Variants in RYR2 observed in about 807,000 individuals in gnomAD.
RYR2 encodes ryanodine receptor 2.
RYR2 carries 227 observed loss-of-function variants against 601.1 expected under a neutral mutation model. The ratio of observed to expected loss-of-function variants is 0.38; its 90% CI spans 0.34 to 0.42. RYR2 has a LOEUF of 0.42. Ranked by LOEUF, RYR2 falls within the 10% of genes least tolerant of loss-of-function variation. The pLI is 1.00. For missense variants in RYR2, 4,646 were observed against 6,156.5 expected (o/e 0.75, Z 8.21); for synonymous variants, 2,223 against 2,175.1 (o/e 1.02, Z -0.61).
At chr1:237,415,410 A>G (rs1704873512) in intron 10 of RYR2, among the ~76,000 whole-genome samples, 1 of 152,190 alleles carries the variant, frequency 6.6e-6, no homozygotes. Flanking sequence ...GATTAGGGTG[A>G]TCCCAAACTA....
chr1:237,823,752 T>G (rs1201839867), intron 101 of RYR2, among the ~76,000 whole-genome samples: 1 of 152,076 alleles, frequency 6.6e-6, no homozygotes, highest in African/African-American at 2.4e-5. Flanking sequence ...GCTGGTGTTT[T>G]GAAAAGATCA....
intron 79 of RYR2, among the ~76,000 whole-genome samples, chr1:237,740,714 G>A (rs970080925): frequency 2.6e-5 from 4 of 152,064 alleles, no homozygotes; most frequent in Non-Finnish European, 4.4e-5. Flanking sequence ...GTATATTAGT[G>A]TTCTAATTTG....
chr1:237,536,050 C>CA (rs1237504118), intron 25 of RYR2, among the ~76,000 whole-genome samples: 1 of 151,838 alleles, frequency 6.6e-6, no homozygotes, highest in African/African-American at 2.4e-5. Context: ...TCAATAAGGC[C>CA]AGTGCAGTGA....
At chr1:237,182,308 G>T (rs569276441) in intron 1 of RYR2, among the ~76,000 whole-genome samples, 25 of 152,048 alleles carry the variant, frequency 1.6e-4, no homozygotes, top group Non-Finnish European at 3.1e-4. Context: ...TTTTAGTAGA[G>T]ACGGGATTTT....
intron 17 of RYR2, among the ~76,000 whole-genome samples, chr1:237,476,343 C>A (rs1429289968): frequency 1.3e-5 from 2 of 151,784 alleles, no homozygotes; most frequent in African/African-American, 4.8e-5. Context: ...AACCCCGACT[C>A]TACTAAAATA....
intron 2 of RYR2, among the ~76,000 whole-genome samples, chr1:237,312,482 G>A (rs116631069): frequency 9.4e-4 from 143 of 152,232 alleles, no homozygotes; most frequent in Non-Finnish European, 1.8e-3. Context: ...TTTTTATAGC[G>A]TACTCCCTTG....
In RYR2 at chr1:237,237,945, C is replaced by CCCTTTCCTTTCCCCTTTCCTTTCCTTT; in HGVS notation, c.49-32540_49-32539insCCTTTCCTTTCCTTTCCTTTCCTTTCC. Reference sequence around the variant, plus strand: ...CCCTTTCCCTTTCCCCTTTCCTTTCCCCTTTCCTTTCCTTTCCTTTCCTTT... The same window carrying CCCTTTCCTTTCCCCTTTCCTTTCCTTT: ...CCCTTTCCCTTTCCCCTTTCCTTTCCCCTTTCCTTTCCCCTTTCCTTTCCTTTCCTTTCCTTTCCTTTCCTTTCCTTT... On this transcript the variant is annotated intron_variant, in intron 1 of 104. Coordinates refer to ENST00000366574, the MANE Select transcript of RYR2 (RefSeq NM_001035.3). Among the ~76,000 whole-genome samples, 59 of 35,410 alleles carry CCCTTTCCTTTCCCCTTTCCTTTCCTTT rather than the reference C, an allele frequency of 1.7e-3. 1 individual carries two copies. Among genetic ancestry groups the CCCTTTCCTTTCCCCTTTCCTTTCCTTT allele is most frequent in the East Asian group, 2.5e-3 (3 of 1,216 alleles). 23.2% of individuals were successfully genotyped at this position (35,410 alleles called of 152,430 possible).
rs1208496897 is a variant in RYR2 at position 237,700,408 on chromosome 1, C to G, written c.9308C>G (p.Pro3103Arg). The change falls in exon 65 of 105, where the codon CCA (proline) becomes CGA (arginine). Residue 3103 changes from proline (P) to arginine (R), a missense_variant. By Grantham distance (103) the Pro-to-Arg change is moderately radical. Around this residue, in one of 17 missense-constraint regions of RYR2, gnomAD observed 1,497 missense variants for 1,842.6 expected, o/e 0.81. Transcript: ENST00000366574. The stretch of plus-strand genomic sequence containing the variant: ...AATTACACCACAGTGGCCCTGCTGC[C>G]AATGCTGTCTTCATTATTTGAACAT... ...IINYTTVALL[P>R]MLSSLFEHIG... The G allele has an allele frequency of 6.2e-7, 1 of 1,609,760 alleles. No individual in the cohort carries two copies. Among genetic ancestry groups the G allele is most frequent in the African/African-American group, 1.3e-5 (1 of 74,798 alleles).
intron 1 of RYR2, among the ~76,000 whole-genome samples, chr1:237,216,611 C>T (rs1400139511): frequency 6.6e-6 from 1 of 151,734 alleles, no homozygotes; most frequent in African/African-American, 2.4e-5. Context: ...ATGGTGGGCA[C>T]CTGTAATCCC....
intron 59 of RYR2, 34 bp from the exon 60 acceptor site, chr1:237,674,697 A>G: frequency 8.1e-7 from 1 of 1,235,304 alleles, no homozygotes; most frequent in Non-Finnish European, 1.2e-6. Context: ...GCTTTGTACA[A>G]ATTGCTTTCC....
At chr1:237,230,645 A>G (rs1260404519) in intron 1 of RYR2, among the ~76,000 whole-genome samples, 1 of 152,170 alleles carries the variant, frequency 6.6e-6, no homozygotes, top group Non-Finnish European at 1.5e-5. Flanking sequence ...CTGGCTGGGT[A>G]TTGCGGCTCA....
At chr1:237,814,958 CTTTTTTCTTTT>C (rs1363137842) in intron 100 of RYR2, among the ~76,000 whole-genome samples, 180 of 122,588 alleles carry the variant, frequency 1.5e-3, no homozygotes, top group African/African-American at 3.8e-3. Flanking sequence ...CTCCTTTTTT[CTTTTTTCTTTT>C]TTTTTTTTTT....
At chr1:237,189,793 G>C (rs1679761252) in intron 1 of RYR2, among the ~76,000 whole-genome samples, 1 of 152,078 alleles carries the variant, frequency 6.6e-6, no homozygotes, top group African/African-American at 2.4e-5. Context: ...CACAAACTAA[G>C]ACAACGTAAA....
chr1:237,436,167 T>C lies in RYR2; in HGVS notation c.1006-5152T>C, dbSNP rs1250682268. On this transcript the variant is annotated intron_variant, in intron 12 of 104. Coordinates refer to ENST00000366574, the MANE Select transcript of RYR2 (RefSeq NM_001035.3). ...ACTCATAGTCAATTGATAAGGAACC[T>C]TAATTACCTCTACAAGATCCCTTGA... Among the ~76,000 whole-genome samples, 3 of 152,184 alleles carry C rather than the reference T, an allele frequency of 2.0e-5. No homozygotes were observed. In the East Asian group the frequency reaches 5.8e-4, roughly 29 times the overall value.
At position 237,261,518 on chromosome 1, in the gene RYR2, G is replaced by T. The variant is rs568094431; in HGVS notation, c.49-8979G>T. Reference sequence around the variant, plus strand: ...CACCAGCTTTCCCTCTCCCTGGATTGCTCCCCCTCCACTGGTGCTCACTCC... The same window carrying T: ...CACCAGCTTTCCCTCTCCCTGGATTTCTCCCCCTCCACTGGTGCTCACTCC... On this transcript the variant is annotated intron_variant, in intron 1 of 104. Coordinates refer to ENST00000366574, the MANE Select transcript of RYR2 (RefSeq NM_001035.3). Among the ~76,000 whole-genome samples, 13 of 152,318 alleles carry T rather than the reference G, an allele frequency of 8.5e-5. No individual in the cohort carries two copies. The South Asian group carries it at 2.7e-3, about 32-fold the overall frequency.
chr1:237,723,137 C>G lies in RYR2; in HGVS notation c.10564C>G (p.Pro3522Ala). ...TTCCTTTTTTCTGCAGTTGGAGGAT[C>G]CTGCTATTAGATGGCAAATGGCTCT... ...NIHLQGKLED[P>A]AIRWQMALYK... The change falls in exon 74 of 105, where the codon CCT becomes GCT. Residue 3522 changes from proline to alanine, a missense_variant. Coordinates refer to ENST00000366574, the MANE Select transcript of RYR2 (RefSeq NM_001035.3). 1 of 1,606,496 alleles carries G rather than the reference C, an allele frequency of 6.2e-7. No homozygotes were observed. Among genetic ancestry groups the G allele is most frequent in the South Asian group, 1.1e-5 (1 of 89,024 alleles).
chr1:237,643,334 A>T lies in RYR2; in HGVS notation c.7229A>T (p.His2410Leu). 1 of 1,613,534 alleles carries T rather than the reference A, an allele frequency of 6.2e-7. No homozygotes were observed. The highest frequency in any genetic ancestry group is 8.5e-7 in the Non-Finnish European group (1 of 1,179,666). Residue 2410 changes from histidine to leucine, a missense_variant, in exon 48 of 105, where the codon CAT becomes CTT. This residue lies in a region of RYR2 where 1,497 missense variants were observed against 1,842.6 expected (regional missense o/e 0.81). Transcript: ENST00000366574. ...GRCAPEMHLI[H>L]AGKGEAIRIR... Reference sequence around the variant, plus strand: ...TTTTTTTCCCCTGTATAGTTGATTCATGCCGGGAAGGGAGAAGCCATCAGA... The same window carrying T: ...TTTTTTTCCCCTGTATAGTTGATTCTTGCCGGGAAGGGAGAAGCCATCAGA...
At chr1:237,595,776 C>G (rs1480995719) in intron 34 of RYR2, 119 bp downstream of exon 34, 5 of 1,255,264 alleles carry the variant, frequency 4.0e-6, no homozygotes, top group Non-Finnish European at 5.3e-6. Flanking sequence ...TGCCCCTGGT[C>G]TGAAAATCAG....
chr1:237,580,177 C>T (rs10925463), intron 29 of RYR2, among the ~76,000 whole-genome samples: 37,625 of 130,444 alleles, frequency 0.29, 5,698 homozygotes, highest in East Asian at 0.59. Context: ...TTTTTTGAGA[C>T]GGAGTTTTGC....
Sources: gnomAD v4.1 joint callset for allele counts (sites outside exome capture counted in the v4.1 genomes callset) on GRCh38, gnomAD v4.1.1 for gene constraint, gnomAD v4.1.1 regional missense constraint, MANE v1.5 for transcripts, NCBI Gene and HGNC (gene_info 2026-07-23, HGNC 2026-07-21) for gene names.